PPP1R36: variants seen among roughly 807,000 people sequenced by gnomAD.
PPP1R36 encodes the protein protein phosphatase 1 regulatory subunit 36.
A neutral mutation model predicts 53.4 loss-of-function variants in PPP1R36; 47 were observed. The ratio of observed to expected loss-of-function variants is 0.88; its 90% confidence interval spans 0.70 to 1.12. The LOEUF (loss-of-function observed/expected upper bound fraction) is 1.12. PPP1R36 is among the 50% of genes most tolerant of loss of function. PPP1R36 has a pLI of 0.00. For synonymous variants in PPP1R36, 153 were observed against 170.5 expected, an observed-to-expected ratio of 0.90 and a Z score of 0.80; for missense variants, 456 against 513.9, an observed-to-expected ratio of 0.89 and a Z score of 1.09.
At chr14:64,573,142 C>T (rs17824845) in intron 7 of PPP1R36, among the ~76,000 whole-genome samples, 66,404 of 152,102 alleles carry the variant, frequency 0.44, 15,566 homozygotes, top group East Asian at 0.63. Flanking sequence ...GTACAACTCA[C>T]TTTTCAATAA....
intron 5 of PPP1R36, 35 bp downstream of exon 5, chr14:64,565,489 A>G: frequency 6.7e-7 from 1 of 1,494,206 alleles, no homozygotes; most frequent in Non-Finnish European, 9.3e-7. Context: ...ACATAAACAT[A>G]CATCTGTACA....
rs369620598 is a variant in PPP1R36, at chr14:64,556,762, ATG to A, written c.182+3933_182+3934del. ...TAGAGTGAGACCCAATCTCCAAAAA[ATG>A]TGTGTGTGTGTGTGTGTGTGTGTGT... On this transcript the variant is annotated intron_variant, in intron 3 of 11. Coordinates refer to ENST00000298705, the MANE Select transcript of PPP1R36 (RefSeq NM_172365.3). Among the ~76,000 whole-genome samples, 287 of 134,036 alleles carry A rather than the reference ATG, an allele frequency of 2.1e-3. 1 individual carries two copies. Among genetic ancestry groups the A allele is most frequent in the African/African-American group, 5.8e-3 (208 of 35,928 alleles). 87.9% of individuals were successfully genotyped at this position (134,036 alleles called of 152,430 possible). A position where few individuals can be genotyped will look rare whatever the true frequency, so the allele number is the denominator to read the frequency against.
chr14:64,586,904 T>C, intron 9 of PPP1R36, 25 bp downstream of exon 9: 2 of 1,593,448 alleles, frequency 1.3e-6, no homozygotes, highest in Non-Finnish European at 1.7e-6. Flanking sequence ...TTTTGGTGCT[T>C]TTTGATATGA....
chr14:64,587,454 T>A (rs2080444823), intron 10 of PPP1R36, 82 bp downstream of exon 10: 1 of 379,284 alleles, frequency 2.6e-6, no homozygotes, highest in East Asian at 5.1e-5. Context: ...TCTCCTTTTT[T>A]TTTTTTTTTT....
Position 64,565,453 on chromosome 14 carries a change from A to C in PPP1R36, c.366A>C (p.Lys122Asn). 6.2e-7 allele frequency: 1 copy of C among 1,605,592 alleles called. No individual in the cohort carries two copies. The highest frequency in any genetic ancestry group is 1.1e-5 in the South Asian group (1 of 90,760). The change falls in exon 5 of 12, where the codon AAA (lysine) becomes AAC (asparagine). Residue 122 changes from lysine (K) to asparagine (N), a missense_variant and splice_region_variant. By Grantham distance (94) the Lys-to-Asn change is moderately conservative (BLOSUM62 0). Coordinates refer to ENST00000298705, the MANE Select transcript of PPP1R36 (RefSeq NM_172365.3). ...GCACCATTACACTGGATGATGTTAA[A>C]TGTGAGTAACTGTTTCTTTATGCAT... Reference protein sequence around the residue: ...QQGTITLDDVKFVTLLLLQDT... With the variant: ...QQGTITLDDVNFVTLLLLQDT...
intron 8 of PPP1R36, among the ~76,000 whole-genome samples, chr14:64,584,163 A>C (rs2080413294): frequency 6.6e-6 from 1 of 152,096 alleles, no homozygotes; most frequent in Non-Finnish European, 1.5e-5. Context: ...TAGCATCCCA[A>C]AGTGCTGGGA....
chr14:64,585,729 T>A (rs1490775067), intron 8 of PPP1R36, among the ~76,000 whole-genome samples: 4 of 152,074 alleles, frequency 2.6e-5, no homozygotes, highest in African/African-American at 9.7e-5. Flanking sequence ...CAGCTCTGTC[T>A]TAAAAAAGAA....
rs1596721118 is a variant in PPP1R36, at chr14:64,552,956, G to A, written c.182+95G>A. ...CATGTTAAAGCACAAGAGAATGTGT[G>A]TATAAATATTAAGTGCCAATTTTTT... On this transcript the variant is annotated intron_variant, in intron 3 of 11. Transcript: ENST00000298705. 4 of 1,160,990 alleles carry A rather than the reference G, an allele frequency of 3.4e-6. No individual in the cohort carries two copies. In the East Asian group the frequency reaches 7.4e-5, roughly 22 times the overall value. The allele number at this position is 1,160,990 out of a possible 1,614,324, so 71.9% of individuals were successfully genotyped here.
intron 3 of PPP1R36, chr14:64,561,989 C>A (rs1411182810): frequency 6.0e-6 from 2 of 334,454 alleles, no homozygotes; most frequent in East Asian, 1.6e-4. Flanking sequence ...GTGATGGATT[C>A]TAGAGAGAAA....
At chr14:64,560,103 CAA>C (rs1171697200) in intron 3 of PPP1R36, among the ~76,000 whole-genome samples, 5 of 27,444 alleles carry the variant, frequency 1.8e-4, no homozygotes, top group Non-Finnish European at 3.6e-4. Flanking sequence ...GAATCTGTCA[CAA>C]AAAAAAAAAA....
chr14:64,575,443 C>A (rs1293185014), intron 8 of PPP1R36, among the ~76,000 whole-genome samples: 1 of 152,164 alleles, frequency 6.6e-6, no homozygotes, highest in Non-Finnish European at 1.5e-5. Context: ...TGTTATGTAA[C>A]ATACATATTT....
intron 4 of PPP1R36, 136 bp from the exon 5 acceptor site, chr14:64,565,221 C>T (rs1281055012): frequency 1.8e-5 from 11 of 615,268 alleles, no homozygotes; most frequent in Non-Finnish European, 2.9e-5. Flanking sequence ...CCAAAATGAT[C>T]GTACATCAAA....
chr14:64,573,583 A>G (rs1456550084), intron 7 of PPP1R36, among the ~76,000 whole-genome samples: 1 of 152,190 alleles, frequency 6.6e-6, no homozygotes, highest in Non-Finnish European at 1.5e-5. Context: ...GACTACCTGC[A>G]TATAAAATTG....
intron 3 of PPP1R36, among the ~76,000 whole-genome samples, chr14:64,562,932 T>C (rs894843829): frequency 6.6e-6 from 1 of 152,210 alleles, no homozygotes; most frequent in Admixed American, 6.5e-5. Flanking sequence ...AATGGCATGA[T>C]CTCGGCTCAC....
intron 6 of PPP1R36, 30 bp downstream of exon 6, chr14:64,565,722 C>T: frequency 6.7e-7 from 1 of 1,490,076 alleles, no homozygotes; most frequent in African/African-American, 1.4e-5. Flanking sequence ...CATTTTAGAT[C>T]TTTTATCCTT....
intron 8 of PPP1R36, among the ~76,000 whole-genome samples, chr14:64,583,698 C>T (rs369723551): frequency 1.3e-5 from 2 of 150,508 alleles, no homozygotes; most frequent in East Asian, 2.0e-4. Flanking sequence ...TCTGTAATCC[C>T]AGCTACTTGG....
At chr14:64,584,966 A>G (rs1253899416) in intron 8 of PPP1R36, among the ~76,000 whole-genome samples, 2 of 152,236 alleles carry the variant, frequency 1.3e-5, no homozygotes, top group East Asian at 3.8e-4. Context: ...AGACTTGCAC[A>G]TGAAGAAACC....
chr14:64,551,848 G>A (rs1400518472), intron 2 of PPP1R36, among the ~76,000 whole-genome samples: 2 of 152,108 alleles, frequency 1.3e-5, no homozygotes, highest in African/African-American at 4.8e-5. Context: ...TTCTTCAGTA[G>A]GTACTCAACA....
At position 64,579,934 on chromosome 14, in the gene PPP1R36, C is replaced by A. The variant is rs148673488; in HGVS notation, c.668+5345C>A. ...GCAGTGAGCTGAGATCGCGCCACTG[C>A]ACTCCAGCCTGGGCGACAGAGCGAG... On this transcript the variant is annotated intron_variant, in intron 8 of 11. Coordinates refer to ENST00000298705, the MANE Select transcript of PPP1R36 (RefSeq NM_172365.3). Among the ~76,000 whole-genome samples, 5 of 152,184 alleles carry A rather than the reference C, an allele frequency of 3.3e-5. No homozygotes were observed. The South Asian group carries it at 8.3e-4, about 25-fold the overall frequency.
Sources: allele counts gnomAD v4.1 joint callset (sites outside exome capture counted in the v4.1 genomes callset), GRCh38; gene constraint gnomAD v4.1.1; transcripts MANE v1.5; gene names NCBI Gene and HGNC (gene_info 2026-07-23, HGNC 2026-07-21).